Variants in NFATC1 observed in about 807,000 individuals in gnomAD.
NFATC1 encodes the protein nuclear factor of activated T-cells, cytoplasmic 1.
NFATC1 carries 22 observed loss-of-function variants against 76.0 expected under a neutral mutation model. That is an observed-to-expected ratio of 0.29 (90% CI 0.21 to 0.41). The LOEUF is 0.41. Ranked by LOEUF, NFATC1 falls within the 10% of genes least tolerant of loss-of-function variation. The pLI is 1.00. For synonymous variants in NFATC1, 704 were observed against 613.1 expected (o/e 1.15, Z -2.19); for missense variants, 1,357 against 1,337.7 (o/e 1.01, Z -0.23).
chr18:79,465,941 G>A lies in NFATC1; in HGVS notation c.1960-1509G>A, dbSNP rs2144915081. Reference sequence around the variant, plus strand: ...CCGGCGGCAGCTTCAGCTCCCCTGGGGCAGCTCTGATGCGGGGCAAAGGCA... The same window carrying A: ...CCGGCGGCAGCTTCAGCTCCCCTGGAGCAGCTCTGATGCGGGGCAAAGGCA... On this transcript the variant is annotated intron_variant, in intron 7 of 9. Coordinates refer to ENST00000427363, the MANE Select transcript of NFATC1 (RefSeq NM_001278669.2). This position sits in a 1 kb window ranked among gnomAD's most constrained non-coding sequence, Gnocchi z 4.2. Among the ~76,000 whole-genome samples the A allele has an allele frequency of 6.6e-6, 1 of 152,352 alleles. No homozygotes were observed. The highest frequency in any genetic ancestry group is 6.5e-5 in the Admixed American group (1 of 15,308).
chr18:79,410,507 G>A lies in NFATC1; in HGVS notation c.232G>A (p.Gly78Ser), dbSNP rs1192482253. ...CCACAACCTTCAGACCTCCACACCGGGCATCATCCCGCCGGCGGATCACCC... is the reference window on the plus strand; with the variant it reads ...CCACAACCTTCAGACCTCCACACCGAGCATCATCCCGCCGGCGGATCACCC... The part of the protein sequence containing the change: ...PCHNLQTSTP[G>S]IIPPADHPSG... Residue 78 changes from glycine to serine, a missense_variant, in exon 2 of 10, where the codon GGC becomes AGC. Transcript: ENST00000427363. The surrounding 1 kb of genome is among the most constrained non-coding windows in gnomAD (Gnocchi z 6.7). 1 of 1,611,968 alleles carries A rather than the reference G, an allele frequency of 6.2e-7. No homozygotes were observed. Among genetic ancestry groups the A allele is most frequent in the Non-Finnish European group, 8.5e-7 (1 of 1,179,940 alleles).
At position 79,450,659 on chromosome 18, in the gene NFATC1, A is replaced by AG. The variant is rs1453942700; in HGVS notation, c.1590-292dup. ...ACTGGACCCGCTTGGTCAGGGGTGG[A>AG]GGGTGGAGGCTGGAGGCTGGAGGAA... On this transcript the variant is annotated intron_variant, in intron 4 of 9. Transcript: ENST00000427363. 4.6e-5 allele frequency among the ~76,000 whole-genome samples: 7 copies of AG among 151,530 alleles called. No individual in the cohort carries two copies. In the East Asian group the frequency reaches 1.2e-3, roughly 25 times the overall value.
chr18:79,434,769 C>T (rs1156843225), intron 3 of NFATC1, among the ~76,000 whole-genome samples: 1 of 152,224 alleles, frequency 6.6e-6, no homozygotes, highest in East Asian at 1.9e-4. Context: ...GCCGCAGGGA[C>T]AAATGGCTGT....
In NFATC1 at chr18:79,410,717, T is replaced by C; in HGVS notation, c.442T>C (p.Ser148Pro). ...DVEVEDVLPS[S>P]KRSPSTATLS... ...GGAGGTGGAAGACGTCCTCCCTAGC[T>C]CCAAACGGTCCCCCTCCACGGCCAC... Residue 148 changes from serine (S) to proline (P), a missense_variant, in exon 2 of 10, where the codon TCC becomes CCC. Physicochemically the swap from Ser to Pro is moderately conservative, Grantham distance 74. Around this residue, in one of 3 missense-constraint regions of NFATC1, gnomAD observed 691 missense variants for 613.1 expected, o/e 1.13. Coordinates refer to ENST00000427363, the MANE Select transcript of NFATC1 (RefSeq NM_001278669.2). The surrounding 1 kb of genome is among the most constrained non-coding windows in gnomAD (Gnocchi z 6.7). 1 of 1,612,852 alleles carries C rather than the reference T, an allele frequency of 6.2e-7. No individual in the cohort carries two copies. The highest frequency in any genetic ancestry group is 8.5e-7 in the Non-Finnish European group (1 of 1,179,958).
intron 9 of NFATC1, among the ~76,000 whole-genome samples, chr18:79,519,227 A>G (rs2090456230): frequency 6.6e-6 from 1 of 152,236 alleles, no homozygotes; most frequent in Non-Finnish European, 1.5e-5. Flanking sequence ...GATTTGGAAA[A>G]TCCTTAGGAA....
chr18:79,466,887 C>T (rs1157309648), intron 7 of NFATC1, among the ~76,000 whole-genome samples: 14 of 152,242 alleles, frequency 9.2e-5, no homozygotes, highest in Non-Finnish European at 2.1e-4. Flanking sequence ...ACTTCCATCA[C>T]ACAGTGGCTG....
intron 8 of NFATC1, among the ~76,000 whole-genome samples, chr18:79,483,414 G>A (rs1281021591): frequency 1.9e-4 from 26 of 135,972 alleles, no homozygotes; most frequent in South Asian, 6.8e-4. Flanking sequence ...CTGGTTCGTG[G>A]GGTGTCATTC....
At chr18:79,499,857 TA>T (rs1339913018) in intron 9 of NFATC1, among the ~76,000 whole-genome samples, 1 of 152,152 alleles carries the variant, frequency 6.6e-6, no homozygotes, top group Non-Finnish European at 1.5e-5. Flanking sequence ...AACTCTAAGA[TA>T]AAAATATTAC....
intron 8 of NFATC1, among the ~76,000 whole-genome samples, chr18:79,485,087 G>A (rs186459888): frequency 2.0e-5 from 3 of 152,198 alleles, no homozygotes; most frequent in South Asian, 2.1e-4. Context: ...CTGTGGTGGC[G>A]ACTGTTTGCA....
intron 2 of NFATC1, among the ~76,000 whole-genome samples, chr18:79,430,412 T>TCA (rs1273826552): frequency 6.6e-6 from 1 of 152,240 alleles, no homozygotes; most frequent in Admixed American, 6.5e-5. Context: ...AGATGGAGTC[T>TCA]CACTCTGTTG....
chr18:79,439,174 T>G (rs2086884536), intron 3 of NFATC1, among the ~76,000 whole-genome samples: 1 of 152,084 alleles, frequency 6.6e-6, no homozygotes, highest in Admixed American at 6.5e-5. Context: ...CTTTCTTAAG[T>G]GGTTTGCCAC....
At chr18:79,416,573 C>T (rs558282940) in intron 2 of NFATC1, among the ~76,000 whole-genome samples, 31 of 152,308 alleles carry the variant, frequency 2.0e-4, no homozygotes, top group African/African-American at 7.5e-4. Context: ...AGGTGGTAGC[C>T]GTGGGGTCTT....
chr18:79,422,117 C>T (rs2086113375), intron 2 of NFATC1: 1 of 152,144 alleles, frequency 6.6e-6, no homozygotes, highest in Non-Finnish European at 1.5e-5. Flanking sequence ...CTTGTGAAAC[C>T]CCCAAGTTTC....
At chr18:79,458,647 A>C (rs977312613) in intron 6 of NFATC1, among the ~76,000 whole-genome samples, 3 of 152,132 alleles carry the variant, frequency 2.0e-5, no homozygotes, top group Admixed American at 6.5e-5. Flanking sequence ...CCTACTAAGG[A>C]CTCGGAGCTC....
intron 1 of NFATC1, among the ~76,000 whole-genome samples, chr18:79,399,742 G>A (rs892197540): frequency 1.3e-5 from 2 of 152,166 alleles, no homozygotes; most frequent in South Asian, 2.1e-4. Flanking sequence ...AGGAGAGGCC[G>A]GTGGGTGCCG....
rs146790139 is a variant in NFATC1 at position 79,486,510 on chromosome 18, C to T, written c.2355C>T (p.His785=). The change falls in exon 9 of 10, where the codon CAC becomes CAT. Residue 785 remains histidine (H), a synonymous_variant. Transcript: ENST00000427363. ...CCAAGGGCGTTGCCAGCCCGGGCCA[C>T]TGTCACCTCGGACTCCCGCAGCCGG... is the stretch of plus-strand genomic sequence containing the variant. ...AYTKGVASPG[H]CHLGLPQPAG... The T allele has an allele frequency of 1.2e-6, 2 of 1,603,520 alleles. No individual in the cohort carries two copies. Among genetic ancestry groups the T allele is most frequent in the Non-Finnish European group, 1.7e-6 (2 of 1,179,274 alleles).
chr18:79,437,872 T>G (rs571732685), intron 3 of NFATC1, among the ~76,000 whole-genome samples: 1 of 152,344 alleles, frequency 6.6e-6, no homozygotes, highest in East Asian at 1.9e-4. Flanking sequence ...GCCTCTGCCC[T>G]CAGCGCTGCT....
At chr18:79,454,558 G>A (rs1046854111) in intron 6 of NFATC1, among the ~76,000 whole-genome samples, 8 of 152,196 alleles carry the variant, frequency 5.3e-5, no homozygotes, top group African/African-American at 1.9e-4. Context: ...GCTCCAGCAG[G>A]GCAGGAGGAG....
chr18:79,450,429 TATA>T (rs1369072316), intron 4 of NFATC1, among the ~76,000 whole-genome samples: 1 of 148,442 alleles, frequency 6.7e-6, no homozygotes, highest in African/African-American at 2.4e-5. Flanking sequence ...ATTATAAATA[TATA>T]ATATTTAACC....
Sources: gnomAD v4.1 joint callset for allele counts (sites outside exome capture counted in the v4.1 genomes callset) on GRCh38, gnomAD v4.1.1 for gene constraint, gnomAD v4.1.1 regional missense constraint, Gnocchi (gnomAD v3.1) non-coding constraint, MANE v1.5 for transcripts, NCBI Gene and HGNC (gene_info 2026-07-23, HGNC 2026-07-21) for gene names.